PAAF1: variants seen among roughly 807,000 people sequenced by gnomAD.
The protein encoded by PAAF1 is proteasomal ATPase associated factor 1.
A neutral mutation model predicts 52.8 loss-of-function variants in PAAF1; 46 were observed. That is an observed-to-expected ratio of 0.87 (90% CI 0.69 to 1.11). PAAF1 has a LOEUF of 1.11. Among genes scored for constraint, PAAF1 ranks in the 50% most tolerant of loss-of-function variants. PAAF1 has a pLI of 0.00. For missense variants in PAAF1, 424 were observed against 477.4 expected (o/e 0.89, Z 1.04); for synonymous variants, 178 against 172.8 (o/e 1.03, Z -0.24).
rs576839500 is a variant in PAAF1, at chr11:73,899,358, A to C, written c.381+114A>C. 1.6e-5 allele frequency: 10 copies of C among 622,202 alleles called. No homozygotes were observed. The South Asian group carries it at 2.1e-4, about 13-fold the overall frequency. The allele number at this position is 622,202 out of a possible 1,614,324, so 38.5% of individuals were successfully genotyped here. Reference sequence around the variant, plus strand: ...TTCTAAAAATGTGGGACCACTCTGCATGTCAGTTGATCTCTTTTCTCCCAT... The same window carrying C: ...TTCTAAAAATGTGGGACCACTCTGCCTGTCAGTTGATCTCTTTTCTCCCAT... On this transcript the variant is annotated intron_variant, in intron 5 of 11. Coordinates refer to ENST00000310571, the MANE Select transcript of PAAF1 (RefSeq NM_025155.3).
At chr11:73,897,630 G>A (rs1037749813) in intron 4 of PAAF1, among the ~76,000 whole-genome samples, 3 of 148,194 alleles carry the variant, frequency 2.0e-5, no homozygotes, top group African/African-American at 7.7e-5. Flanking sequence ...ATGGGATGGC[G>A]GCCGGGCAGA....
chr11:73,899,868 T>G (rs1322543517), intron 5 of PAAF1, among the ~76,000 whole-genome samples: 2 of 152,192 alleles, frequency 1.3e-5, no homozygotes, highest in Non-Finnish European at 2.9e-5. Flanking sequence ...CAGAATAGCT[T>G]GGCTGTTAGA....
At chr11:73,883,584 G>A (rs1187966478) in intron 2 of PAAF1, among the ~76,000 whole-genome samples, 1 of 151,778 alleles carries the variant, frequency 6.6e-6, no homozygotes, top group African/African-American at 2.4e-5. Context: ...CACAATCTCG[G>A]CTCCTCACTG....
intron 6 of PAAF1, among the ~76,000 whole-genome samples, chr11:73,901,651 G>A (rs1017823963): frequency 5.9e-5 from 9 of 151,396 alleles, no homozygotes; most frequent in African/African-American, 1.5e-4. Context: ...CGCCTAGGCC[G>A]GAGTCCAGTG....
chr11:73,919,005 G>C lies in PAAF1; in HGVS notation c.991G>C (p.Val331Leu). The change falls in exon 10 of 12, where the codon GTC (valine) becomes CTC (leucine). Residue 331 changes from valine to leucine, a missense_variant. By Grantham distance (32) the Val-to-Leu change is conservative (BLOSUM62 1). Coordinates refer to ENST00000310571, the MANE Select transcript of PAAF1 (RefSeq NM_025155.3). ...SGAPVLSLLS[V>L]RDGFIASQGD... The stretch of plus-strand genomic sequence containing the variant: ...AGCACCAGTTCTATCCCTGCTAAGT[G>C]TCAGAGATGGATTCATTGCTAGCCA... The C allele has an allele frequency of 6.2e-7, 1 of 1,614,036 alleles. No individual in the cohort carries two copies. Among genetic ancestry groups the C allele is most frequent in the Non-Finnish European group, 8.5e-7 (1 of 1,179,988 alleles).
chr11:73,886,502 C>T (rs1949059755), intron 2 of PAAF1, among the ~76,000 whole-genome samples: 1 of 151,790 alleles, frequency 6.6e-6, no homozygotes, highest in Non-Finnish European at 1.5e-5. Flanking sequence ...GGTGAAACCC[C>T]ATCTCTACTA....
At chr11:73,918,581 A>G (rs772334166) in intron 9 of PAAF1, among the ~76,000 whole-genome samples, 4 of 150,262 alleles carry the variant, frequency 2.7e-5, no homozygotes, top group Non-Finnish European at 4.4e-5. Flanking sequence ...GGTTCCCGCC[A>G]TTCTCCTGCC....
At chr11:73,908,984 A>G (rs1443869736) in intron 6 of PAAF1, among the ~76,000 whole-genome samples, 1 of 151,604 alleles carries the variant, frequency 6.6e-6, no homozygotes, top group Non-Finnish European at 1.5e-5. Context: ...ACAGGGTTTC[A>G]TCATGTTAGC....
At chr11:73,900,960 C>T (rs1253857559) in intron 6 of PAAF1, among the ~76,000 whole-genome samples, 5 of 115,538 alleles carry the variant, frequency 4.3e-5, no homozygotes, top group Admixed American at 2.7e-4. Flanking sequence ...CCAACCTGGG[C>T]GACAGAGCGA....
intron 10 of PAAF1, chr11:73,922,206 G>A (rs1006096038): frequency 5.4e-5 from 43 of 789,824 alleles, no homozygotes; most frequent in Non-Finnish European, 7.2e-5. Flanking sequence ...GGTGGCGCCC[G>A]GGTTTCAACC....
intron 2 of PAAF1, 102 bp downstream of exon 2, chr11:73,878,921 T>C (rs1686533624): frequency 4.5e-6 from 5 of 1,101,944 alleles, no homozygotes; most frequent in Non-Finnish European, 6.7e-6. Context: ...CCTTACATAA[T>C]AGTCTGCAAA....
At chr11:73,911,237 A>G (rs959328810) in intron 7 of PAAF1, among the ~76,000 whole-genome samples, 1 of 152,172 alleles carries the variant, frequency 6.6e-6, no homozygotes, top group Non-Finnish European at 1.5e-5. Flanking sequence ...GCAGTATCAT[A>G]CATAGTAGTT....
At position 73,918,948 on chromosome 11, in the gene PAAF1, A is replaced by G. The variant is rs1950140970; in HGVS notation, c.936-2A>G. Reference sequence around the variant, plus strand: ...AAAATTTCCCCTTTCTCTGAATCCTAGGGCTCCGGTACAAGTCATCCACAG... The same window carrying G: ...AAAATTTCCCCTTTCTCTGAATCCTGGGGCTCCGGTACAAGTCATCCACAG... On this transcript the variant is annotated splice_acceptor_variant, in intron 9 of 11. Transcript: ENST00000310571. LOFTEE classifies it high-confidence loss of function. 1 of 1,611,692 alleles carries G rather than the reference A, an allele frequency of 6.2e-7. No individual in the cohort carries two copies. Among genetic ancestry groups the G allele is most frequent in the East Asian group, 2.2e-5 (1 of 44,874 alleles).
At position 73,924,635 on chromosome 11, in the gene PAAF1, G is replaced by A. The variant is rs748640255; in HGVS notation, c.1039G>A (p.Val347Ile). Residue 347 changes from valine (V) to isoleucine (I), a missense_variant, in exon 11 of 12, where the codon GTC (valine) becomes ATC (isoleucine). Physicochemically the swap from Val to Ile is conservative, Grantham distance 29 (BLOSUM62 3). Transcript: ENST00000310571. Reference sequence around the variant, plus strand: ...TTCAGGTGATGGAAGCTGTTTTATTGTCCAGCAAGACTTAGACTATGTCAC... The same window carrying A: ...TTCAGGTGATGGAAGCTGTTTTATTATCCAGCAAGACTTAGACTATGTCAC... Reference protein sequence around the residue: ...ASQGDGSCFIVQQDLDYVTEL... With the variant: ...ASQGDGSCFIIQQDLDYVTEL... 6.2e-7 allele frequency: 1 copy of A among 1,613,888 alleles called. No homozygotes were observed.
At chr11:73,922,993 A>G (rs971886791) in intron 10 of PAAF1, among the ~76,000 whole-genome samples, 1 of 152,192 alleles carries the variant, frequency 6.6e-6, no homozygotes, top group African/African-American at 2.4e-5. Context: ...TGAACCTGTT[A>G]TACCCATTAT....
chr11:73,922,203 C>T (rs1950236876), intron 10 of PAAF1: 1 of 815,040 alleles, frequency 1.2e-6, no homozygotes, highest in African/African-American at 1.7e-5. Flanking sequence ...CTTGGTGGCG[C>T]CCGGGTTTCA....
chr11:73,883,152 G>A (rs1948963962), intron 2 of PAAF1, among the ~76,000 whole-genome samples: 1 of 151,966 alleles, frequency 6.6e-6, no homozygotes, highest in African/African-American at 2.4e-5. Flanking sequence ...AATACATGGG[G>A]TCTCGCTGTG....
At position 73,914,432 on chromosome 11, in the gene PAAF1, A is replaced by G. The variant is rs142573514; in HGVS notation, c.747A>G (p.Thr249=). Residue 249 remains threonine (T), a synonymous_variant, in exon 8 of 12, where the codon ACA becomes ACG. Transcript: ENST00000310571. ...EQMPSEREVG[T]EAKMLLLARE... ...ATGCAGGTGAACGGGAGGTTGGAAC[A>G]GAGGCCAAAATGCTGCTCTTGGCCC... The G allele has an allele frequency of 1.9e-6, 3 of 1,614,010 alleles. No individual in the cohort carries two copies. The African/African-American group carries it at 4.0e-5, about 22-fold the overall frequency.
At chr11:73,884,593 C>T (rs1591044386) in intron 2 of PAAF1, among the ~76,000 whole-genome samples, 1 of 152,296 alleles carries the variant, frequency 6.6e-6, no homozygotes, top group East Asian at 1.9e-4. Context: ...CTTCTTAAGG[C>T]AGTTGGTAAA....
Sources: gnomAD v4.1 joint callset for allele counts (sites outside exome capture counted in the v4.1 genomes callset) on GRCh38, gnomAD v4.1.1 for gene constraint, MANE v1.5 for transcripts, NCBI Gene and HGNC (gene_info 2026-07-23, HGNC 2026-07-21) for gene names.